UBE2Q2: variants seen among roughly 807,000 people sequenced by gnomAD.
UBE2Q2 encodes the protein ubiquitin conjugating enzyme E2 Q2, also known as ubiquitin-conjugating enzyme E2 Q2.
In UBE2Q2, 54 loss-of-function variants were observed where a neutral mutation model predicts 59.9. The ratio of observed to expected loss-of-function variants is 0.90; its 90% CI spans 0.72 to 1.13. The LOEUF is 1.13. Among genes scored for constraint, UBE2Q2 ranks in the 50% most tolerant of loss-of-function variants. UBE2Q2 has a pLI of 0.00. For missense variants in UBE2Q2, 433 were observed against 441.9 expected (o/e 0.98, Z 0.18); for synonymous variants, 165 against 155.2 (o/e 1.06, Z -0.47).
At chr15:75,892,960 G>C (rs1474443488) in intron 11 of UBE2Q2, among the ~76,000 whole-genome samples, 1 of 152,194 alleles carries the variant, frequency 6.6e-6, no homozygotes, top group African/African-American at 2.4e-5. Flanking sequence ...AAAAAAATAA[G>C]TTAGAATGTT....
chr15:75,892,385 G>T (rs1320935189), intron 11 of UBE2Q2, among the ~76,000 whole-genome samples: 1 of 152,134 alleles, frequency 6.6e-6, no homozygotes, highest in Admixed American at 6.6e-5. Flanking sequence ...AAGGACAGTA[G>T]GTTTTGGAAT....
chr15:75,844,302 C>T lies in UBE2Q2; in HGVS notation c.180+456C>T, dbSNP rs1241399226. ...ATTTTTCAGTCGGATTTTCCTTCTT[C>T]CCGCTTGTTCAGCCAATTGTTTTTA... On this transcript the variant is annotated intron_variant, in intron 1 of 12. Transcript: ENST00000267938. 7 of 1,546,850 alleles carry T rather than the reference C, an allele frequency of 4.5e-6. No homozygotes were observed. In the Admixed American group the frequency reaches 1.4e-4, roughly 30 times the overall value.
chr15:75,843,771 C>T lies in UBE2Q2; in HGVS notation c.105C>T (p.His35=). ...TCAGTTGGAAGCTGGACGAGCTGCA[C>T]TGCCAGTTCCTGGTGCCGCAGCAGG... ...RIVSWKLDEL[H]CQFLVPQQGS... Residue 35 remains histidine (H), a synonymous_variant, in exon 1 of 13, where the codon CAC becomes CAT. Coordinates refer to ENST00000267938, the MANE Select transcript of UBE2Q2 (RefSeq NM_173469.4). 1.2e-6 allele frequency: 2 copies of T among 1,610,168 alleles called. No homozygotes were observed. The highest frequency in any genetic ancestry group is 1.7e-6 in the Non-Finnish European group (2 of 1,178,730).
At position 75,873,412 on chromosome 15, in the gene UBE2Q2, T is replaced by C. The variant is rs1257891226; in HGVS notation, c.448-16T>C. The C allele has an allele frequency of 1.5e-5, 24 of 1,568,998 alleles. No homozygotes were observed. Among genetic ancestry groups the C allele is most frequent in the Non-Finnish European group, 1.9e-5 (22 of 1,164,518 alleles). ...AAAATAGGTTGAATAAGCTAACATT[T>C]TTCGTCTCTTTGTAGGATATAGAAG... On this transcript the variant is annotated splice_polypyrimidine_tract_variant and intron_variant, in intron 4 of 12. Transcript: ENST00000267938.
chr15:75,846,648 G>T (rs1319475468), intron 1 of UBE2Q2, among the ~76,000 whole-genome samples: 2 of 152,174 alleles, frequency 1.3e-5, no homozygotes, highest in Non-Finnish European at 2.9e-5. Context: ...TGGTTTGATC[G>T]ATGATTTGTT....
chr15:75,898,443 C>G (rs186786847), intron 12 of UBE2Q2, among the ~76,000 whole-genome samples: 68 of 152,152 alleles, frequency 4.5e-4, no homozygotes, highest in African/African-American at 1.6e-3. Flanking sequence ...GTATACATAA[C>G]TGTGGAATGA....
intron 4 of UBE2Q2, among the ~76,000 whole-genome samples, chr15:75,869,530 G>T (rs1353728423): frequency 1.3e-5 from 2 of 152,182 alleles, no homozygotes; most frequent in Non-Finnish European, 2.9e-5. Context: ...TGAAGGCTGG[G>T]AAGTCCAAGA....
chr15:75,869,802 A>G (rs190524107), intron 4 of UBE2Q2, among the ~76,000 whole-genome samples: 2 of 152,340 alleles, frequency 1.3e-5, no homozygotes, highest in African/African-American at 4.8e-5. Context: ...TTCCAAAGAC[A>G]TTGAGCTTAG....
chr15:75,846,513 T>C (rs1896355648), intron 1 of UBE2Q2, among the ~76,000 whole-genome samples: 1 of 152,200 alleles, frequency 6.6e-6, no homozygotes, highest in African/African-American at 2.4e-5. Flanking sequence ...CCACCGTTCC[T>C]GGCCGTAAAG....
intron 1 of UBE2Q2, among the ~76,000 whole-genome samples, chr15:75,852,989 C>A (rs1385267262): frequency 6.6e-6 from 1 of 152,104 alleles, no homozygotes; most frequent in Admixed American, 6.5e-5. Flanking sequence ...TTCCTAAAAT[C>A]GTTTCTGTGA....
At chr15:75,880,506 G>A (rs1898347126) in intron 8 of UBE2Q2, among the ~76,000 whole-genome samples, 1 of 149,328 alleles carries the variant, frequency 6.7e-6, no homozygotes, top group African/African-American at 2.5e-5. Flanking sequence ...TTTTGAGACA[G>A]AATCTTGCTC....
intron 2 of UBE2Q2, among the ~76,000 whole-genome samples, chr15:75,858,736 G>A (rs1321695653): frequency 1.3e-5 from 2 of 152,200 alleles, no homozygotes; most frequent in African/African-American, 4.8e-5. Context: ...CTAGGTCTGT[G>A]TCCGGATTGC....
intron 8 of UBE2Q2, among the ~76,000 whole-genome samples, chr15:75,881,951 C>T (rs781670591): frequency 3.9e-5 from 6 of 152,118 alleles, no homozygotes; most frequent in African/African-American, 9.7e-5. Flanking sequence ...GATTGTATTC[C>T]GTGTCCTAGG....
chr15:75,890,984 C>T lies in UBE2Q2; in HGVS notation c.999C>T (p.Gly333=), dbSNP rs1436468253. The T allele has an allele frequency of 6.2e-7, 1 of 1,612,216 alleles. No homozygotes were observed. The highest frequency in any genetic ancestry group is 8.5e-7 in the Non-Finnish European group (1 of 1,179,888). The change falls in exon 11 of 13, where the codon GGC becomes GGT. Residue 333 remains glycine (G), a synonymous_variant. Transcript: ENST00000267938. ...AAATAAATGCCACCTTAGTCAAAGG[C>T]AAAGCCAGAGTGCAGTTTGGAGCAA... ...IMQINATLVK[G]KARVQFGANK... is the part of the protein sequence containing the mutation.
At chr15:75,858,495 G>T (rs750040078) in intron 2 of UBE2Q2, among the ~76,000 whole-genome samples, 6 of 152,030 alleles carry the variant, frequency 3.9e-5, no homozygotes, top group Admixed American at 3.3e-4. Flanking sequence ...CCGCAAACTA[G>T]TAATTTTCTA....
chr15:75,845,735 G>T (rs1264454205), intron 1 of UBE2Q2, among the ~76,000 whole-genome samples: 1 of 152,204 alleles, frequency 6.6e-6, no homozygotes, highest in Non-Finnish European at 1.5e-5. Context: ...GTTTTGCAAC[G>T]TTCAGGCAGT....
At position 75,890,928 on chromosome 15, in the gene UBE2Q2, A is replaced by G; in HGVS notation, c.943A>G (p.Ser315Gly). The G allele has an allele frequency of 1.9e-6, 3 of 1,613,094 alleles. No homozygotes were observed. The highest frequency in any genetic ancestry group is 1.1e-5 in the South Asian group (1 of 91,032). ...CTTTGTTCTTCTGTAGGGCTGGAGCAGTGCCTACTCAATAGAATCGGTCAT... is the reference window on the plus strand; with the variant it reads ...CTTTGTTCTTCTGTAGGGCTGGAGCGGTGCCTACTCAATAGAATCGGTCAT... Reference protein sequence around the residue: ...MELLTKQGWSSAYSIESVIMQ... With the variant: ...MELLTKQGWSGAYSIESVIMQ... The change falls in exon 11 of 13, where the codon AGT becomes GGT. Residue 315 changes from serine (S) to glycine (G), a missense_variant. Coordinates refer to ENST00000267938, the MANE Select transcript of UBE2Q2 (RefSeq NM_173469.4).
chr15:75,890,999 G>A lies in UBE2Q2; in HGVS notation c.1014G>A (p.Gln338=). The change falls in exon 11 of 13, where the codon CAG becomes CAA. Residue 338 remains glutamine, a synonymous_variant. Coordinates refer to ENST00000267938, the MANE Select transcript of UBE2Q2 (RefSeq NM_173469.4). The part of the protein sequence containing the change: ...ATLVKGKARV[Q]FGANKNQYNL... ...TAGTCAAAGGCAAAGCCAGAGTGCA[G>A]TTTGGAGCAAATAAGGTACTTCTGT... 6 of 1,611,906 alleles carry A rather than the reference G, an allele frequency of 3.7e-6. No individual in the cohort carries two copies. The highest frequency in any genetic ancestry group is 3.4e-6 in the Non-Finnish European group (4 of 1,179,706).
chr15:75,899,894 A>G lies in UBE2Q2; in HGVS notation c.*436A>G. ...GTTCAATATTGGTTTAGGAAATTTA[A>G]GGCCTTCTAAATCATAATAGCTCTT... On this transcript the variant is annotated 3_prime_UTR_variant, in exon 13 of 13. Coordinates refer to ENST00000267938, the MANE Select transcript of UBE2Q2 (RefSeq NM_173469.4). 6.5e-6 allele frequency: 1 copy of G among 153,058 alleles called. No homozygotes were observed. The highest frequency in any genetic ancestry group is 1.5e-5 in the Non-Finnish European group (1 of 68,244). The allele number at this position is 153,058 out of a possible 1,614,324, so 9.5% of individuals were successfully genotyped here.
Sources: allele counts gnomAD v4.1 joint callset (sites outside exome capture counted in the v4.1 genomes callset), GRCh38; gene constraint gnomAD v4.1.1; transcripts MANE v1.5; gene names NCBI Gene and HGNC (gene_info 2026-07-23, HGNC 2026-07-21).